Variants in MCU observed in about 807,000 individuals in gnomAD.
MCU encodes mitochondrial calcium uniporter.
MCU carries 12 observed loss-of-function variants against 45.2 expected under a neutral mutation model. The ratio of observed to expected loss-of-function variants is 0.27; its 90% CI spans 0.17 to 0.43. The LOEUF (loss-of-function observed/expected upper bound fraction) is 0.43, where lower values mean the gene tolerates loss of function less well. MCU is among the 20% of genes least tolerant of loss of function. MCU has a pLI of 1.00. For missense variants in MCU, 324 were observed against 436.7 expected, an observed-to-expected ratio of 0.74 and a Z score of 2.30; for synonymous variants, 160 against 165.1, an observed-to-expected ratio of 0.97 and a Z score of 0.24.
chr10:72,849,241 A>T (rs557798466), intron 2 of MCU, among the ~76,000 whole-genome samples: 2 of 148,532 alleles, frequency 1.3e-5, no homozygotes, highest in East Asian at 3.9e-4. Flanking sequence ...AGATTCTGCC[A>T]CTGCACTCCA....
intron 1 of MCU, among the ~76,000 whole-genome samples, chr10:72,709,303 A>G (rs1821190432): frequency 6.6e-6 from 1 of 152,212 alleles, no homozygotes; most frequent in African/African-American, 2.4e-5. Context: ...GCCAAGTGTG[A>G]TAAAAACCTA....
At chr10:72,876,682 C>T (rs1349748192) in intron 6 of MCU, among the ~76,000 whole-genome samples, 1 of 152,192 alleles carries the variant, frequency 6.6e-6, no homozygotes, top group African/African-American at 2.4e-5. Flanking sequence ...ATTCTTAAAA[C>T]TGTAAATGCA....
chr10:72,772,103 C>T (rs1305279662), intron 1 of MCU, among the ~76,000 whole-genome samples: 2 of 152,196 alleles, frequency 1.3e-5, no homozygotes, highest in African/African-American at 4.8e-5. Flanking sequence ...GAGAAAATGC[C>T]TGAGGACAGG....
At chr10:72,868,618 T>G in intron 4 of MCU, 85 bp from the exon 5 acceptor site, 1 of 1,225,904 alleles carries the variant, frequency 8.2e-7, no homozygotes, top group Non-Finnish European at 1.2e-6. Flanking sequence ...ATACCTATAA[T>G]GGATGAATCT....
intron 1 of MCU, among the ~76,000 whole-genome samples, chr10:72,767,281 T>C (rs1169773802): frequency 6.6e-6 from 1 of 152,154 alleles, no homozygotes; most frequent in Non-Finnish European, 1.5e-5. Flanking sequence ...GTTTCTGAAG[T>C]TGCCTAGGAA....
chr10:72,857,998 T>G (rs1451587498), intron 2 of MCU, among the ~76,000 whole-genome samples: 2 of 152,224 alleles, frequency 1.3e-5, no homozygotes, highest in African/African-American at 2.4e-5. Flanking sequence ...TGCTAACTTA[T>G]GACAACTGAA....
intron 1 of MCU, among the ~76,000 whole-genome samples, chr10:72,808,118 C>G (rs998479877): frequency 3.3e-5 from 5 of 152,196 alleles, no homozygotes; most frequent in Admixed American, 2.6e-4. Context: ...GCCATATTAT[C>G]ACCACTAATG....
chr10:72,700,080 A>G (rs1174756670), intron 1 of MCU, among the ~76,000 whole-genome samples: 3 of 124,948 alleles, frequency 2.4e-5, no homozygotes, highest in Admixed American at 8.4e-5. Flanking sequence ...TTTTTTTGAG[A>G]TGGAGTTTCG....
At chr10:72,765,331 G>A (rs1013171399) in intron 1 of MCU, among the ~76,000 whole-genome samples, 1 of 152,026 alleles carries the variant, frequency 6.6e-6, no homozygotes, top group African/African-American at 2.4e-5. Flanking sequence ...ATAGAAGAGG[G>A]TAATGAGTAG....
chr10:72,852,704 C>T (rs1460142723), intron 2 of MCU, among the ~76,000 whole-genome samples: 1 of 152,068 alleles, frequency 6.6e-6, no homozygotes, highest in Admixed American at 6.6e-5. Context: ...TTGTAAATCC[C>T]AAGGCAGCTA....
intron 2 of MCU, among the ~76,000 whole-genome samples, chr10:72,853,819 A>T (rs1407702095): frequency 6.6e-6 from 1 of 151,908 alleles, no homozygotes; most frequent in African/African-American, 2.4e-5. Flanking sequence ...CCTGGGCAAC[A>T]TAGTGAGACC....
At chr10:72,702,947 C>T (rs1262262231) in intron 1 of MCU, among the ~76,000 whole-genome samples, 2 of 150,186 alleles carry the variant, frequency 1.3e-5, no homozygotes, top group African/African-American at 2.5e-5. Context: ...CATTGCACCC[C>T]AGCCTGGACA....
chr10:72,732,144 T>G (rs1212854422), intron 1 of MCU, among the ~76,000 whole-genome samples: 1 of 152,230 alleles, frequency 6.6e-6, no homozygotes, highest in Non-Finnish European at 1.5e-5. Flanking sequence ...GCCGTCCTAC[T>G]GGATGTGAAG....
At chr10:72,844,432 G>A (rs944744254) in intron 2 of MCU, among the ~76,000 whole-genome samples, 1 of 151,964 alleles carries the variant, frequency 6.6e-6, no homozygotes, top group African/African-American at 2.4e-5. Context: ...AGCTGGGCAT[G>A]GAGGCATACA....
rs141993667 is a variant in MCU at position 72,858,799 on chromosome 10, G to A, written c.221-378G>A. 1.4e-3 allele frequency among the ~76,000 whole-genome samples: 214 copies of A among 152,262 alleles called. 1 individual carries two copies. The highest frequency in any genetic ancestry group is 4.5e-3 in the Admixed American group (69 of 15,294). On this transcript the variant is annotated intron_variant, in intron 2 of 7. Transcript: ENST00000373053. ...GAAAGCTCTGGATCCCGAGAGCCAC[G>A]TCCTACAGGCTATGAAGTCTAGCCC... is the stretch of plus-strand genomic sequence containing the variant.
chr10:72,693,079 C>T (rs1159414400), intron 1 of MCU: 10 of 1,535,904 alleles, frequency 6.5e-6, no homozygotes, highest in Non-Finnish European at 8.7e-6. Flanking sequence ...AAGTTGTTGA[C>T]AGAGGCAGAG....
chr10:72,770,018 C>T (rs1394769071), intron 1 of MCU, among the ~76,000 whole-genome samples: 3 of 152,062 alleles, frequency 2.0e-5, no homozygotes, highest in Non-Finnish European at 2.9e-5. Flanking sequence ...ATCTCAAAAT[C>T]GTTTTCTATT....
At chr10:72,867,445 A>G (rs1424744306) in intron 4 of MCU, among the ~76,000 whole-genome samples, 1 of 152,204 alleles carries the variant, frequency 6.6e-6, no homozygotes, top group Admixed American at 6.5e-5. Context: ...AGTCGTTCTC[A>G]TAACTTCATA....
At chr10:72,835,747 G>T (rs1334029955) in intron 2 of MCU, among the ~76,000 whole-genome samples, 1 of 152,146 alleles carries the variant, frequency 6.6e-6, no homozygotes, top group Admixed American at 6.5e-5. Flanking sequence ...CTGGCTCTCT[G>T]TTTCCAGTCT....
Sources: allele counts gnomAD v4.1 joint callset (sites outside exome capture counted in the v4.1 genomes callset), GRCh38; gene constraint gnomAD v4.1.1; transcripts MANE v1.5; gene names NCBI Gene and HGNC (gene_info 2026-07-23, HGNC 2026-07-21).